The following UNC5D variants were observed in gnomAD, a reference collection of about 807,000 sequenced individuals.
UNC5D encodes the protein netrin receptor UNC5D.
In UNC5D, 39 loss-of-function variants were observed where a neutral mutation model predicts 105.4. That is an observed-to-expected ratio of 0.37 (90% CI 0.29 to 0.48). UNC5D has a LOEUF of 0.48. Ranked by LOEUF, UNC5D falls within the 20% of genes least tolerant of loss-of-function variation. The probability of loss-of-function intolerance (pLI) is 0.98; values close to 1 mark genes in which losing one functional copy is unlikely to be tolerated. For missense variants in UNC5D, 991 were observed against 1,202.4 expected, an observed-to-expected ratio of 0.82 and a Z score of 2.60; for synonymous variants, 452 against 450.4, an observed-to-expected ratio of 1.00 and a Z score of -0.04.
chr8:35,376,770 C>T (rs1802720887), intron 1 of UNC5D, among the ~76,000 whole-genome samples: 1 of 152,112 alleles, frequency 6.6e-6, no homozygotes, highest in Non-Finnish European at 1.5e-5. Flanking sequence ...AGTTGCTGTC[C>T]ACAGTGATCT....
chr8:35,327,917 G>A (rs986240293), intron 1 of UNC5D, among the ~76,000 whole-genome samples: 6 of 152,164 alleles, frequency 3.9e-5, no homozygotes, highest in African/African-American at 9.7e-5. Flanking sequence ...CAGAAGATTC[G>A]GATAAGAGCA....
At chr8:35,500,240 G>T (rs1416577182) in intron 1 of UNC5D, among the ~76,000 whole-genome samples, 1 of 152,190 alleles carries the variant, frequency 6.6e-6, no homozygotes, top group African/African-American at 2.4e-5. Context: ...GCTAGCATCT[G>T]TTGAGGGCCT....
chr8:35,730,320 G>A (rs757276024), intron 10 of UNC5D, among the ~76,000 whole-genome samples: 1 of 152,180 alleles, frequency 6.6e-6, no homozygotes, highest in Non-Finnish European at 1.5e-5. Flanking sequence ...TGCATTGTAT[G>A]ATTTTATGGA....
chr8:35,258,869 C>G (rs572982352), intron 1 of UNC5D, among the ~76,000 whole-genome samples: 3 of 152,014 alleles, frequency 2.0e-5, no homozygotes, highest in East Asian at 3.9e-4. Flanking sequence ...AGGAGTTTAC[C>G]CAGAGGAAGT....
intron 4 of UNC5D, among the ~76,000 whole-genome samples, chr8:35,639,140 A>G (rs1023275965): frequency 6.6e-6 from 1 of 152,210 alleles, no homozygotes; most frequent in Non-Finnish European, 1.5e-5. Flanking sequence ...AGAAATAAAT[A>G]GAAATCCAAG....
At chr8:35,730,781 A>G (rs1307719608) in intron 10 of UNC5D, among the ~76,000 whole-genome samples, 1 of 152,192 alleles carries the variant, frequency 6.6e-6, no homozygotes, top group Non-Finnish European at 1.5e-5. Flanking sequence ...AAATAAAAAA[A>G]AAAAACTAAT....
At chr8:35,550,462 A>G (rs951510955) in intron 2 of UNC5D, among the ~76,000 whole-genome samples, 1 of 152,094 alleles carries the variant, frequency 6.6e-6, no homozygotes, top group African/African-American at 2.4e-5. Context: ...GACTTGGTCA[A>G]CTCACTAGAT....
At chr8:35,458,203 G>C (rs1563437935) in intron 1 of UNC5D, among the ~76,000 whole-genome samples, 1 of 152,162 alleles carries the variant, frequency 6.6e-6, no homozygotes, top group Non-Finnish European at 1.5e-5. Flanking sequence ...TCATTGTAGA[G>C]AGGAGGGAAT....
intron 1 of UNC5D, among the ~76,000 whole-genome samples, chr8:35,432,214 C>A (rs1806693151): frequency 6.6e-6 from 1 of 152,054 alleles, no homozygotes; most frequent in Non-Finnish European, 1.5e-5. Context: ...GAGGATCAAA[C>A]AACTTTAGCT....
At chr8:35,683,913 G>A (rs1274239451) in intron 5 of UNC5D, among the ~76,000 whole-genome samples, 186 bp downstream of exon 5, 1 of 152,136 alleles carries the variant, frequency 6.6e-6, no homozygotes, top group African/African-American at 2.4e-5. Flanking sequence ...TGTGTTTGCT[G>A]TTCCTTCCAA....
intron 2 of UNC5D, 125 bp downstream of exon 2, chr8:35,549,635 C>T: frequency 2.3e-6 from 2 of 858,444 alleles, no homozygotes; most frequent in East Asian, 2.7e-5. Flanking sequence ...AGTTACATCA[C>T]TCCCAGCATA....
chr8:35,360,610 A>G (rs1378427246), intron 1 of UNC5D, among the ~76,000 whole-genome samples: 2 of 152,102 alleles, frequency 1.3e-5, no homozygotes, highest in African/African-American at 2.4e-5. Flanking sequence ...ATTGTCTTCT[A>G]TGTTCTGTGT....
rs564826639 is a variant in UNC5D at position 35,294,108 on chromosome 8, A to G, written c.103+58221A>G. 3.5e-4 allele frequency among the ~76,000 whole-genome samples: 53 copies of G among 152,324 alleles called. 1 individual carries two copies. In the South Asian group the frequency reaches 6.2e-3, roughly 18 times the overall value. On this transcript the variant is annotated intron_variant, in intron 1 of 16. Transcript: ENST00000404895. ...CAGGCCTTCTTGTTATGTAACTCAAAGACTGGCAGCTGGTGTTTCCCTTTT... is the reference window on the plus strand; with the variant it reads ...CAGGCCTTCTTGTTATGTAACTCAAGGACTGGCAGCTGGTGTTTCCCTTTT...
chr8:35,609,737 G>A (rs1445060037), intron 4 of UNC5D, among the ~76,000 whole-genome samples: 2 of 152,238 alleles, frequency 1.3e-5, no homozygotes, highest in East Asian at 1.9e-4. Flanking sequence ...TCTTCCTTGT[G>A]TAGGCCATGT....
intron 4 of UNC5D, among the ~76,000 whole-genome samples, chr8:35,652,915 ATTTTTTTTTTTT>A (rs34611902): frequency 2.2e-4 from 11 of 49,158 alleles, no homozygotes; most frequent in African/African-American, 7.5e-4. Flanking sequence ...ACAAGTGAGG[ATTTTTTTTTTTT>A]TTTTTTTTTT....
chr8:35,329,097 A>G (rs1388873615), intron 1 of UNC5D, among the ~76,000 whole-genome samples: 3 of 152,134 alleles, frequency 2.0e-5, no homozygotes, highest in Non-Finnish European at 4.4e-5. Flanking sequence ...TGTATCTCTT[A>G]TATATCTAAC....
At chr8:35,350,655 A>G (rs1468747526) in intron 1 of UNC5D, among the ~76,000 whole-genome samples, 1 of 152,070 alleles carries the variant, frequency 6.6e-6, no homozygotes, top group African/African-American at 2.4e-5. Context: ...TATTTTTGGC[A>G]TAATAATTTA....
intron 7 of UNC5D, among the ~76,000 whole-genome samples, chr8:35,703,246 T>C (rs1409542840): frequency 6.6e-6 from 1 of 152,164 alleles, no homozygotes; most frequent in Non-Finnish European, 1.5e-5. Flanking sequence ...ATTGTGTCAT[T>C]AGCTATCGAT....
chr8:35,671,567 A>G (rs1052593143), intron 4 of UNC5D, among the ~76,000 whole-genome samples: 2 of 152,244 alleles, frequency 1.3e-5, no homozygotes, highest in Non-Finnish European at 2.9e-5. Flanking sequence ...ACAAGAGGCG[A>G]TGTGAATTCC....
Sources: gnomAD v4.1 joint callset for allele counts (sites outside exome capture counted in the v4.1 genomes callset) on GRCh38, gnomAD v4.1.1 for gene constraint, MANE v1.5 for transcripts, NCBI Gene and HGNC (gene_info 2026-07-23, HGNC 2026-07-21) for gene names.